Variants in PASD1 observed in about 807,000 individuals in gnomAD.
The protein encoded by PASD1 is circadian clock protein PASD1.
In PASD1, 13 loss-of-function variants were observed where a neutral mutation model predicts 58.8. The observed-to-expected ratio is 0.22, with a 90% CI of 0.14 to 0.35. The LOEUF is 0.35. Among genes scored for constraint, PASD1 ranks in the 10% least tolerant of loss-of-function variants. The probability of loss-of-function intolerance (pLI) is 1.00; values close to 1 mark genes in which losing one functional copy is unlikely to be tolerated. For synonymous variants in PASD1, 236 were observed against 216.7 expected, an observed-to-expected ratio of 1.09 and a Z score of -0.78; for missense variants, 734 against 568.3, an observed-to-expected ratio of 1.29 and a Z score of -2.96.
At chrX:151,605,383 G>A (rs1281693177) in intron 3 of PASD1, among the ~76,000 whole-genome samples, 3 of 111,176 alleles carry the variant, frequency 2.7e-5, no homozygotes, top group African/African-American at 9.8e-5. Context: ...GGCAATATTA[G>A]ACGCCTGGAA....
intron 4 of PASD1, 21 bp downstream of exon 4, chrX:151,611,774 G>C (rs780050001): frequency 7.2e-6 from 8 of 1,109,126 alleles, no homozygotes; most frequent in Non-Finnish European, 1.2e-6. Context: ...TCTACTTTTG[G>C]GAAAGTGGAT....
rs913312903 is a variant in PASD1 at position 151,672,101 on chromosome X, G to T, written c.1438-82G>T. On this transcript the variant is annotated intron_variant, in intron 13 of 15. Transcript: ENST00000370357. ...ACTGTTGTCACCTTTTGCTTTGCGAGAATTGAATGGGAGTGTTAAATAAGT... is the reference window on the plus strand; with the variant it reads ...ACTGTTGTCACCTTTTGCTTTGCGATAATTGAATGGGAGTGTTAAATAAGT... The T allele has an allele frequency of 1.5e-5, 16 of 1,101,435 alleles. No individual in the cohort carries two copies. In the Admixed American group the frequency reaches 3.4e-4, roughly 24 times the overall value. The allele number at this position is 1,101,435 out of a possible 1,213,427, so 90.8% of individuals were successfully genotyped here.
chrX:151,598,241 G>T (rs5970075), intron 1 of PASD1, among the ~76,000 whole-genome samples: 57,487 of 110,353 alleles, frequency 0.52, 11,800 homozygotes, highest in East Asian at 0.94. Flanking sequence ...TGTTCAAATC[G>T]ATCAGGTTTT....
Position 151,621,029 on chromosome X carries a change from G to A in PASD1, c.307G>A (p.Glu103Lys), listed in dbSNP as rs2013700467. ...TCTCAAATTTCCTTTACTAAACTCAGGTATGTATATTTTTAAAAGTAGTAA... is the reference window on the plus strand; with the variant it reads ...TCTCAAATTTCCTTTACTAAACTCAAGTATGTATATTTTTAAAAGTAGTAA... ...IILKFPLLNS[E>K]THIEFCCHLK... The change falls in exon 5 of 16, where the codon GAA (glutamate) becomes AAA (lysine). Residue 103 changes from glutamate (E) to lysine (K), a missense_variant and splice_region_variant. Physicochemically the swap from Glu to Lys is moderately conservative, Grantham distance 56 (BLOSUM62 1). Coordinates refer to ENST00000370357, the MANE Select transcript of PASD1 (RefSeq NM_173493.3). 8.7e-7 allele frequency: 1 copy of A among 1,150,528 alleles called. No individual in the cohort carries two copies. Among genetic ancestry groups the A allele is most frequent in the African/African-American group, 1.8e-5 (1 of 55,734 alleles). The allele number at this position is 1,150,528 out of a possible 1,213,427, so 94.8% of individuals were successfully genotyped here. A position where few individuals can be genotyped will look rare whatever the true frequency, so the allele number is the denominator to read the frequency against.
At chrX:151,580,627 A>G (rs975857633) in intron 1 of PASD1, among the ~76,000 whole-genome samples, 9 of 109,377 alleles carry the variant, frequency 8.2e-5, no homozygotes, top group African/African-American at 3.0e-4. Flanking sequence ...CTCAATTAAA[A>G]TATTTTAGAA....
intron 8 of PASD1, 141 bp downstream of exon 8, chrX:151,625,671 T>TGGTG (rs910367939): frequency 2.0e-6 from 1 of 497,456 alleles, no homozygotes; most frequent in Non-Finnish European, 3.3e-6. Context: ...GGGCCAGGGA[T>TGGTG]GGTGGCTCAT....
chrX:151,664,506 G>C (rs1425353787), intron 11 of PASD1, among the ~76,000 whole-genome samples, 158 bp downstream of exon 11: 2 of 112,560 alleles, frequency 1.8e-5, no homozygotes, highest in Non-Finnish European at 3.8e-5. Context: ...TGGATTTTCA[G>C]ATGCCGTTGA....
At chrX:151,673,726 G>A in intron 14 of PASD1, 1 of 459,796 alleles carries the variant, frequency 2.2e-6, no homozygotes, top group Non-Finnish European at 3.7e-6. Context: ...ACAAGGGATT[G>A]TAATTTCTCT....
intron 8 of PASD1, among the ~76,000 whole-genome samples, chrX:151,626,600 G>A (rs752413658): frequency 2.2e-4 from 25 of 111,470 alleles, no homozygotes; most frequent in Non-Finnish European, 3.0e-4. Context: ...TTCCTTCTAC[G>A]TTGCAGTGTA....
intron 10 of PASD1, among the ~76,000 whole-genome samples, chrX:151,660,882 G>A (rs771839712): frequency 8.9e-6 from 1 of 112,339 alleles, no homozygotes; most frequent in Admixed American, 9.4e-5. Context: ...GGCCGGGCAC[G>A]GTGGCTCATG....
chrX:151,574,033 C>T (rs2012964899), intron 1 of PASD1, among the ~76,000 whole-genome samples: 1 of 112,418 alleles, frequency 8.9e-6, no homozygotes, highest in Non-Finnish European at 1.9e-5. Context: ...AAACCAAACT[C>T]AAACCTGTCT....
intron 14 of PASD1, 161 bp downstream of exon 14, chrX:151,672,822 G>A: frequency 2.3e-6 from 2 of 860,033 alleles, no homozygotes; most frequent in Admixed American, 3.7e-5. Flanking sequence ...TGTGGCCACG[G>A]CCATCATCCT....
chrX:151,673,735 C>A, intron 14 of PASD1, 193 bp from the exon 15 acceptor site: 1 of 468,962 alleles, frequency 2.1e-6, no homozygotes, highest in Non-Finnish European at 3.6e-6. Context: ...TGTAATTTCT[C>A]TCAGTGTCTA....
At chrX:151,658,862 A>G (rs888729027) in intron 9 of PASD1, among the ~76,000 whole-genome samples, 1 of 112,658 alleles carries the variant, frequency 8.9e-6, no homozygotes, top group Non-Finnish European at 1.9e-5. Flanking sequence ...TTCAATGGAC[A>G]GTGATCCACA....
chrX:151,659,946 C>T, intron 10 of PASD1, 110 bp downstream of exon 10: 3 of 713,669 alleles, frequency 4.2e-6, no homozygotes, highest in Non-Finnish European at 5.7e-6. Flanking sequence ...TGTGAAATCC[C>T]AGAGTGAATT....
At chrX:151,621,067 T>C in intron 5 of PASD1, 38 bp downstream of exon 5, 1 of 965,222 alleles carries the variant, frequency 1.0e-6, no homozygotes, top group Non-Finnish European at 1.5e-6. Flanking sequence ...TCTTAGGTTT[T>C]AAGGGACAAG....
chrX:151,594,587 G>A (rs1399332572), intron 1 of PASD1, among the ~76,000 whole-genome samples: 4 of 111,487 alleles, frequency 3.6e-5, no homozygotes, highest in African/African-American at 6.5e-5. Context: ...CCACCCTCCC[G>A]TCCTTTGTGC....
At chrX:151,571,600 C>T (rs1389401334) in intron 1 of PASD1, among the ~76,000 whole-genome samples, 1 of 112,235 alleles carries the variant, frequency 8.9e-6, no homozygotes, top group Non-Finnish European at 1.9e-5. Context: ...GTCATCTGTC[C>T]GACTCATGTC....
At chrX:151,599,443 C>T (rs1488320914) in intron 1 of PASD1, among the ~76,000 whole-genome samples, 7 of 103,180 alleles carry the variant, frequency 6.8e-5, no homozygotes, top group South Asian at 4.4e-4. Context: ...GCTGGCCGGG[C>T]GGGGGCTGCC....
Sources: allele counts gnomAD v4.1 joint callset (sites outside exome capture counted in the v4.1 genomes callset), GRCh38; gene constraint gnomAD v4.1.1; transcripts MANE v1.5; gene names NCBI Gene and HGNC (gene_info 2026-07-23, HGNC 2026-07-21).